Variants in SETBP1 observed in about 807,000 individuals in gnomAD.
SETBP1 encodes SET-binding protein.
In SETBP1, 9 loss-of-function variants were observed where a neutral mutation model predicts 101.0. The observed-to-expected ratio is 0.09, with a 90% CI of 0.05 to 0.16. SETBP1 has a LOEUF of 0.16. SETBP1 is among the 10% of genes least tolerant of loss of function. The probability of loss-of-function intolerance (pLI) is 1.00; values close to 1 mark genes in which losing one functional copy is unlikely to be tolerated. For missense variants in SETBP1, 1,858 were observed against 2,033.8 expected (o/e 0.91, Z 1.66); for synonymous variants, 818 against 788.5 (o/e 1.04, Z -0.63).
intron 4 of SETBP1, among the ~76,000 whole-genome samples, chr18:45,010,129 C>A (rs1190110486): frequency 6.6e-6 from 1 of 152,210 alleles, no homozygotes; most frequent in Non-Finnish European, 1.5e-5. Flanking sequence ...CAGGCCCCAT[C>A]TCCATCTGCT....
At chr18:44,736,402 A>G (rs1195926802) in intron 2 of SETBP1, among the ~76,000 whole-genome samples, 1 of 152,202 alleles carries the variant, frequency 6.6e-6, no homozygotes, top group Non-Finnish European at 1.5e-5. Context: ...TCTGTAGGGT[A>G]TGCAAAAGAA....
intron 2 of SETBP1, among the ~76,000 whole-genome samples, chr18:44,713,885 G>A (rs181299035): frequency 1.2e-3 from 180 of 152,312 alleles, no homozygotes; most frequent in African/African-American, 4.1e-3. Context: ...TCTGGTTTGG[G>A]TCTAGTGACT....
At chr18:44,977,017 G>A (rs2072003655) in intron 4 of SETBP1, among the ~76,000 whole-genome samples, 1 of 152,188 alleles carries the variant, frequency 6.6e-6, no homozygotes, top group Admixed American at 6.5e-5. Context: ...TATATGTAAA[G>A]AACATATTGA....
chr18:44,900,390 T>C (rs991093692), intron 3 of SETBP1, among the ~76,000 whole-genome samples: 1 of 152,230 alleles, frequency 6.6e-6, no homozygotes, highest in African/African-American at 2.4e-5. Context: ...AATTGACTGT[T>C]GATCATTATA....
chr18:44,770,990 G>A (rs771667430), intron 2 of SETBP1, among the ~76,000 whole-genome samples: 1 of 152,030 alleles, frequency 6.6e-6, no homozygotes, highest in African/African-American at 2.4e-5. Flanking sequence ...GTGGCCTGCT[G>A]CATATTGAGC....
At chr18:45,018,080 G>T (rs1322707402) in intron 4 of SETBP1, among the ~76,000 whole-genome samples, 2 of 152,102 alleles carry the variant, frequency 1.3e-5, no homozygotes, top group Non-Finnish European at 2.9e-5. Flanking sequence ...GATAGTCTGG[G>T]ATTCTAACAT....
At chr18:44,848,071 A>AGG (rs1205536888) in intron 2 of SETBP1, among the ~76,000 whole-genome samples, 10 of 92,672 alleles carry the variant, frequency 1.1e-4, no homozygotes, top group Non-Finnish European at 1.4e-4. Flanking sequence ...TACTCTCTGA[A>AGG]GGTGTGTGTG....
chr18:44,773,792 G>GT (rs2070927041), intron 2 of SETBP1, among the ~76,000 whole-genome samples: 1 of 124,942 alleles, frequency 8.0e-6, no homozygotes, highest in Non-Finnish European at 1.7e-5. Context: ...ATCTCAACCA[G>GT]CCTCTCTCTC....
chr18:44,729,517 A>G (rs1294854008), intron 2 of SETBP1, among the ~76,000 whole-genome samples: 1 of 152,242 alleles, frequency 6.6e-6, no homozygotes, highest in Non-Finnish European at 1.5e-5. Context: ...TCCTAGGTAA[A>G]TGGATATCAC....
rs766352727 is a variant in SETBP1, at chr18:44,701,694, C to T, written c.348C>T (p.Pro116=). 6.2e-7 allele frequency: 1 copy of T among 1,614,108 alleles called. No homozygotes were observed. Among genetic ancestry groups the T allele is most frequent in the Non-Finnish European group, 8.5e-7 (1 of 1,180,020 alleles). The change falls in exon 2 of 6, where the codon CCC becomes CCT. Residue 116 remains proline (P), a synonymous_variant. Coordinates refer to ENST00000649279, the MANE Select transcript of SETBP1 (RefSeq NM_015559.3). ...AGACCACAAAGCGGGCTAAGAAACC[C>T]CCAAAGAATTTGGAGAACTATATAT... ...KIQTTKRAKK[P]PKNLENYICP...
chr18:45,041,111 A>G (rs1344499695), intron 5 of SETBP1, among the ~76,000 whole-genome samples: 1 of 152,226 alleles, frequency 6.6e-6, no homozygotes, highest in East Asian at 1.9e-4. Context: ...ATACAGTTGG[A>G]TTGGAACCCA....
At chr18:44,909,111 C>T (rs1178716792) in intron 3 of SETBP1, among the ~76,000 whole-genome samples, 2 of 152,146 alleles carry the variant, frequency 1.3e-5, no homozygotes, top group African/African-American at 4.8e-5. Context: ...ATGGCCTCAC[C>T]TACCTTAAGG....
chr18:45,029,135 A>G (rs1428983293), intron 4 of SETBP1, among the ~76,000 whole-genome samples: 1 of 152,186 alleles, frequency 6.6e-6, no homozygotes, highest in Non-Finnish European at 1.5e-5. Context: ...TAGGGTTTTT[A>G]TGGTTTTAGG....
intron 4 of SETBP1, among the ~76,000 whole-genome samples, chr18:45,010,843 G>A (rs558051352): frequency 6.6e-5 from 10 of 152,292 alleles, no homozygotes; most frequent in African/African-American, 2.4e-4. Flanking sequence ...CAGGCTTAAG[G>A]GGATTAAGTA....
intron 3 of SETBP1, among the ~76,000 whole-genome samples, chr18:44,927,506 GTC>G (rs939686780): frequency 6.6e-6 from 1 of 152,224 alleles, no homozygotes; most frequent in African/African-American, 2.4e-5. Context: ...GATAAGGTGT[GTC>G]CATTTCACAA....
chr18:45,028,521 T>C (rs1369655669), intron 4 of SETBP1, among the ~76,000 whole-genome samples: 2 of 152,160 alleles, frequency 1.3e-5, no homozygotes, highest in African/African-American at 2.4e-5. Context: ...TTTGGGTATA[T>C]ACCCAGTAAT....
intron 2 of SETBP1, among the ~76,000 whole-genome samples, chr18:44,713,765 A>G (rs1292773654): frequency 6.6e-6 from 1 of 152,134 alleles, no homozygotes; most frequent in Admixed American, 6.5e-5. Context: ...ACAAATTATC[A>G]CATCCGATAG....
intron 5 of SETBP1, among the ~76,000 whole-genome samples, chr18:45,049,284 A>G (rs2073681844): frequency 6.6e-6 from 1 of 152,116 alleles, no homozygotes; most frequent in Non-Finnish European, 1.5e-5. Context: ...CAGCATTTAT[A>G]TGGAAATAAT....
At chr18:45,054,606 G>GAGCT (rs1174302031) in intron 5 of SETBP1, among the ~76,000 whole-genome samples, 2 of 152,202 alleles carry the variant, frequency 1.3e-5, no homozygotes, top group Admixed American at 1.3e-4. Flanking sequence ...ACCTTACAGG[G>GAGCT]AGCTATAATC....
Sources: allele counts gnomAD v4.1 joint callset (sites outside exome capture counted in the v4.1 genomes callset), GRCh38; gene constraint gnomAD v4.1.1; transcripts MANE v1.5; gene names NCBI Gene and HGNC (gene_info 2026-07-23, HGNC 2026-07-21).